Variants in ZNF808 observed in about 807,000 individuals in gnomAD.
ZNF808 encodes the protein zinc finger protein 808.
In ZNF808, 5 loss-of-function variants were observed where a neutral mutation model predicts 8.7. That is an observed-to-expected ratio of 0.58 (90% CI 0.30 to 1.21). ZNF808 has a LOEUF of 1.21. Ranked by LOEUF, ZNF808 falls within the 50% of genes most tolerant of loss-of-function variation. The pLI, the probability that ZNF808 is intolerant of heterozygous loss-of-function variation, is 0.07. For synonymous variants in ZNF808, 380 were observed against 366.0 expected, an observed-to-expected ratio of 1.04 and a Z score of -0.44; for missense variants, 1,103 against 1,098.4, an observed-to-expected ratio of 1.00 and a Z score of -0.06.
chr19:52,568,525 A>AATTT, downstream of ZNF808, among the ~76,000 whole-genome samples: 1 of 152,208 alleles, frequency 6.6e-6, no homozygotes, highest in East Asian at 1.9e-4. Flanking sequence ...GTGATAATGT[A>AATTT]ACCTTCCTTG....
At chr19:52,534,621 G>A (rs1326181693) in intron 2 of ZNF808, among the ~76,000 whole-genome samples, 2 of 152,132 alleles carry the variant, frequency 1.3e-5, no homozygotes, top group Non-Finnish European at 2.9e-5. Context: ...CAGGCATGGT[G>A]ACTCACGAGT....
At chr19:52,544,263 A>G (rs1001243699) in intron 3 of ZNF808, among the ~76,000 whole-genome samples, 1 of 152,146 alleles carries the variant, frequency 6.6e-6, no homozygotes, top group Non-Finnish European at 1.5e-5. Context: ...GAGCTCAACT[A>G]ATCGCTACTG....
intron 2 of ZNF808, among the ~76,000 whole-genome samples, chr19:52,535,753 T>A (rs145003278): frequency 0.018 from 2,783 of 152,356 alleles, 77 homozygotes; most frequent in African/African-American, 0.064. Context: ...TTAGTTTGCA[T>A]GCCCGTTCCA....
intron 4 of ZNF808, among the ~76,000 whole-genome samples, chr19:52,552,109 C>T (rs947676169): frequency 1.3e-5 from 2 of 151,910 alleles, no homozygotes; most frequent in African/African-American, 4.8e-5. Context: ...AGTCCACCTC[C>T]TGGGTTCATA....
chr19:52,528,043 T>G (rs1308801373), intron 1 of ZNF808: 1 of 152,986 alleles, frequency 6.5e-6, no homozygotes, highest in African/African-American at 2.4e-5. Flanking sequence ...GGGGCGCACC[T>G]CCCAGCCACC....
At chr19:52,556,953 A>G (rs929991948), downstream of ZNF808, among the ~76,000 whole-genome samples, 1 of 151,876 alleles carries the variant, frequency 6.6e-6, no homozygotes, top group African/African-American at 2.4e-5. Context: ...CTCCAAAAGC[A>G]CCCATGTATT....
At chr19:52,550,181 G>T (rs2059762648) in intron 4 of ZNF808, among the ~76,000 whole-genome samples, 1 of 151,912 alleles carries the variant, frequency 6.6e-6, no homozygotes, top group Non-Finnish European at 1.5e-5. Context: ...AACACTGTGG[G>T]CCTCCTGTCA....
At chr19:52,549,831 C>T (rs2931759) in intron 4 of ZNF808, among the ~76,000 whole-genome samples, 7,972 of 152,054 alleles carry the variant, frequency 0.052, 559 homozygotes, top group African/African-American at 0.17. Flanking sequence ...CCTCCAACAC[C>T]ACTCTCACTG....
chr19:52,543,145 T>C, intron 2 of ZNF808, 121 bp from the exon 3 acceptor site: 1 of 960,206 alleles, frequency 1.0e-6, no homozygotes, highest in Non-Finnish European at 1.6e-6. Flanking sequence ...GCATGATCTC[T>C]GGTGCAGTGG....
At chr19:52,539,321 C>T (rs944302093) in intron 2 of ZNF808, among the ~76,000 whole-genome samples, 3 of 149,690 alleles carry the variant, frequency 2.0e-5, no homozygotes, top group African/African-American at 7.4e-5. Flanking sequence ...GCCTCCCAAG[C>T]AGCTGGGATT....
chr19:52,543,110 C>T (rs1187342222), intron 2 of ZNF808, among the ~76,000 whole-genome samples, 156 bp from the exon 3 acceptor site: 2 of 152,114 alleles, frequency 1.3e-5, no homozygotes, highest in East Asian at 1.9e-4. Context: ...ACTTGTAGGT[C>T]TTCCTGTGGG....
chr19:52,558,087 C>A (rs371019709), downstream of ZNF808, among the ~76,000 whole-genome samples: 8 of 44,316 alleles, frequency 1.8e-4, no homozygotes, highest in East Asian at 6.8e-3. Flanking sequence ...TTCTTTCTTT[C>A]TTTTTTTTTT....
downstream of ZNF808, among the ~76,000 whole-genome samples, chr19:52,565,754 T>C (rs138439163): frequency 7.2e-4 from 109 of 152,314 alleles, 2 homozygotes; most frequent in East Asian, 0.018. Flanking sequence ...TCATTTGTTA[T>C]CTCCCTGTGA....
chr19:52,544,536 C>G (rs1333798808), intron 3 of ZNF808, among the ~76,000 whole-genome samples: 1 of 151,946 alleles, frequency 6.6e-6, no homozygotes, highest in African/African-American at 2.4e-5. Context: ...TCATCATGTT[C>G]GTTATGCTGA....
Position 52,554,472 on chromosome 19 carries a change from C to T in ZNF808, c.1556C>T (p.Thr519Ile), listed in dbSNP as rs1600036354. ...KPYKCNQCGNTFRHRASLVYH... is the reference protein window; with the variant it reads ...KPYKCNQCGNIFRHRASLVYH... ...TACAAGTGTAATCAGTGTGGCAATA[C>T]CTTCCGTCACCGGGCATCCCTTGTA... The change falls in exon 5 of 5, where the codon ACC (threonine) becomes ATC (isoleucine). Residue 519 changes from threonine (T) to isoleucine (I), a missense_variant. Thr to Ile is a moderately conservative substitution (Grantham distance 89). Coordinates refer to ENST00000359798, the MANE Select transcript of ZNF808 (RefSeq NM_001039886.4). 2 of 1,614,120 alleles carry T rather than the reference C, an allele frequency of 1.2e-6. No individual in the cohort carries two copies. The highest frequency in any genetic ancestry group is 1.7e-6 in the Non-Finnish European group (2 of 1,180,010).
chr19:52,547,736 C>G, intron 4 of ZNF808, 98 bp downstream of exon 4: 2 of 1,292,758 alleles, frequency 1.5e-6, no homozygotes, highest in Non-Finnish European at 2.0e-6. Flanking sequence ...CCCATCCATG[C>G]TGGTTTTTTT....
chr19:52,549,537 T>C lies in ZNF808; in HGVS notation c.190+1899T>C, dbSNP rs145244627. On this transcript the variant is annotated intron_variant, in intron 4 of 4. Coordinates refer to ENST00000359798, the MANE Select transcript of ZNF808 (RefSeq NM_001039886.4). ...CTTTCATTCTTGTCCCTTGCCCATA[T>C]TGTAATTTGAATATTTAACCTTGGG... Among the ~76,000 whole-genome samples, 123 of 152,294 alleles carry C rather than the reference T, an allele frequency of 8.1e-4. 2 individuals carry two copies. The East Asian group carries it at 0.023, about 28-fold the overall frequency.
intron 2 of ZNF808, among the ~76,000 whole-genome samples, chr19:52,542,185 C>T (rs757075440): frequency 3.3e-5 from 5 of 152,026 alleles, no homozygotes; most frequent in Non-Finnish European, 5.9e-5. Context: ...CTTCTGACTC[C>T]TGGGATCAAG....
downstream of ZNF808, among the ~76,000 whole-genome samples, chr19:52,561,097 C>T (rs905721964): frequency 8.6e-5 from 13 of 151,682 alleles, no homozygotes; most frequent in Non-Finnish European, 1.5e-4. Flanking sequence ...CTGTCAGCAG[C>T]GCAGCTCAGC....
Sources: gnomAD v4.1 joint callset for allele counts (sites outside exome capture counted in the v4.1 genomes callset) on GRCh38, gnomAD v4.1.1 for gene constraint, MANE v1.5 for transcripts, NCBI Gene and HGNC (gene_info 2026-07-23, HGNC 2026-07-21) for gene names.